The following CHD4 variants were observed in gnomAD, a reference collection of about 807,000 sequenced individuals.
CHD4 encodes chromodomain helicase DNA binding protein 4, also known as ATP-dependent chromatin remodeler CHD4.
CHD4 carries 35 observed loss-of-function variants against 235.5 expected under a neutral mutation model. The observed-to-expected ratio is 0.15, with a 90% CI of 0.11 to 0.20. The LOEUF is 0.20. Ranked by LOEUF, CHD4 falls within the 10% of genes least tolerant of loss-of-function variation. The pLI, the probability that CHD4 is intolerant of heterozygous loss-of-function variation, is 1.00. For missense variants in CHD4, 1,329 were observed against 2,432.3 expected (o/e 0.55, Z 9.54); for synonymous variants, 900 against 850.2 (o/e 1.06, Z -1.02).
At position 6,606,425 on chromosome 12, in the gene CHD4, T is replaced by A. The variant is rs1279517247; in HGVS notation, c.-52A>T. 1 of 1,276,378 alleles carries A rather than the reference T, an allele frequency of 7.8e-7. No individual in the cohort carries two copies. Among genetic ancestry groups the A allele is most frequent in the South Asian group, 1.3e-5 (1 of 78,828 alleles). The allele number at this position is 1,276,378 out of a possible 1,614,324, so 79.1% of individuals were successfully genotyped here. ...GGCCCAGCTGCTCCTGCCGGCGGCC[T>A]GAGGACCTCTACACTGGCCCGAGTC... is the stretch of plus-strand genomic sequence containing the variant. On this transcript the variant is annotated 5_prime_UTR_variant, in exon 2 of 40. Coordinates refer to ENST00000544040, the MANE Select transcript of CHD4 (RefSeq NM_001273.5).
intron 10 of CHD4, among the ~76,000 whole-genome samples, chr12:6,599,182 A>C (rs924557604): frequency 6.6e-6 from 1 of 152,256 alleles, no homozygotes; most frequent in African/African-American, 2.4e-5. Context: ...CTGTAATGCC[A>C]GCACTTAATG....
intron 6 of CHD4, 66 bp downstream of exon 6, chr12:6,601,223 C>T: frequency 6.3e-7 from 1 of 1,583,302 alleles, no homozygotes; most frequent in Non-Finnish European, 8.6e-7. Flanking sequence ...ACCAGCATTC[C>T]CATGCTGTCT....
Position 6,602,269 on chromosome 12 carries a change from T to C in CHD4, c.223-94A>G, listed in dbSNP as rs1326873318. On this transcript the variant is annotated intron_variant, in intron 3 of 39. Coordinates refer to ENST00000544040, the MANE Select transcript of CHD4 (RefSeq NM_001273.5). ...AGCCCTGAGGCTCATCCCCAGAACA[T>C]GGCCCACCACTTCTGAGAAAGAAAC... is the stretch of plus-strand genomic sequence containing the variant. The C allele has an allele frequency of 3.8e-6, 6 of 1,594,916 alleles. No homozygotes were observed. In the East Asian group the frequency reaches 6.7e-5, roughly 18 times the overall value.
rs1307100750 is a variant in CHD4, at chr12:6,570,899, T to C, written c.5691A>G (p.Ala1897=). 2.5e-6 allele frequency: 4 copies of C among 1,614,064 alleles called. No homozygotes were observed. Among genetic ancestry groups the C allele is most frequent in the Non-Finnish European group, 2.5e-6 (3 of 1,180,034 alleles). Residue 1897 remains alanine, a synonymous_variant, in exon 39 of 40, where the codon GCA becomes GCG. Transcript: ENST00000544040. The part of the protein sequence containing the change: ...MSERNILSRL[A]NRAPEPTPQQ... Reference sequence around the variant, plus strand: ...GTGGGGTAGGTTCGGGTGCCCGGTTTGCCAGGCGGCTGAGAATGTTACGCT... The same window carrying C: ...GTGGGGTAGGTTCGGGTGCCCGGTTCGCCAGGCGGCTGAGAATGTTACGCT...
At chr12:6,585,449 A>C in intron 25 of CHD4, among the ~76,000 whole-genome samples, 1 of 151,098 alleles carries the variant, frequency 6.6e-6, no homozygotes, top group Non-Finnish European at 1.5e-5. Flanking sequence ...ACGCCCAGCT[A>C]ATTTTTGTAT....
chr12:6,601,027 C>A lies in CHD4; in HGVS notation c.826G>T (p.Gly276Cys), dbSNP rs148588653. The A allele has an allele frequency of 8.9e-5, 142 of 1,589,968 alleles. No individual in the cohort carries two copies. In the African/African-American group the frequency reaches 1.5e-3, roughly 17 times the overall value. ...KGPNARRKPKGSPRVPDAKKP... is the reference protein window; with the variant it reads ...KGPNARRKPKCSPRVPDAKKP... Reference sequence around the variant, plus strand: ...TTGGCATCAGGTACACGAGGGCTGCCCTTGGGCTTCCTCCGAGCATTGGGA... The same window carrying A: ...TTGGCATCAGGTACACGAGGGCTGCACTTGGGCTTCCTCCGAGCATTGGGA... Residue 276 changes from glycine (G) to cysteine (C), a missense_variant, in exon 7 of 40, where the codon GGC (glycine) becomes TGC (cysteine). By Grantham distance (159) the Gly-to-Cys change is radical. Coordinates refer to ENST00000544040, the MANE Select transcript of CHD4 (RefSeq NM_001273.5).
Position 6,582,258 on chromosome 12 carries a change from C to A in CHD4, c.4394G>T (p.Arg1465Leu). The change falls in exon 30 of 40, where the codon CGG becomes CTG. Residue 1465 changes from arginine to leucine, a missense_variant. Transcript: ENST00000544040. ...EFKAYVSLFM[R>L]HLCEPGADGA... The stretch of plus-strand genomic sequence containing the variant: ...ATCTGCCCCCGGCTCACATAAATGC[C>A]GCATGAAAAGAGAGACATATGCCCT... The A allele has an allele frequency of 6.3e-7, 1 of 1,589,928 alleles. No homozygotes were observed. The highest frequency in any genetic ancestry group is 1.1e-5 in the South Asian group (1 of 88,980).
At chr12:6,596,683 C>T (rs949302739) in intron 12 of CHD4, among the ~76,000 whole-genome samples, 1 of 152,066 alleles carries the variant, frequency 6.6e-6, no homozygotes, top group African/African-American at 2.4e-5. Context: ...GCCTGTAATC[C>T]CAGCTACTCG....
chr12:6,577,979 C>G, intron 36 of CHD4, 50 bp downstream of exon 36: 1 of 1,611,706 alleles, frequency 6.2e-7, no homozygotes, highest in Non-Finnish European at 8.5e-7. Flanking sequence ...ACTAAAAGAC[C>G]TTCAGAACCT....
At chr12:6,578,599 C>A in intron 34 of CHD4, 53 bp from the exon 35 acceptor site, 1 of 1,604,756 alleles carries the variant, frequency 6.2e-7, no homozygotes, top group Admixed American at 1.7e-5. Context: ...CCAGCACCAT[C>A]GCCCTTACCC....
chr12:6,591,899 G>C lies in CHD4; in HGVS notation c.3090+17C>G, dbSNP rs759778622. 2.2e-5 allele frequency: 35 copies of C among 1,614,058 alleles called. No homozygotes were observed. In the South Asian group the frequency reaches 3.7e-4, roughly 17 times the overall value. ...GAAGACCCAACCCAGGGAGGAACAG[G>C]AGATGGCACTACATACCATTGCAGC... is the stretch of plus-strand genomic sequence containing the variant. On this transcript the variant is annotated intron_variant, in intron 20 of 39. Transcript: ENST00000544040.
rs143206689 is a variant in CHD4 at position 6,602,455 on chromosome 12, G to C, written c.143C>G (p.Thr48Ser). ...CTTTTTCTTCTTCTTGAGCTTTGGA[G>C]TCTCTGTTTCTGACAAATCCTCTTC... ...DPEEDLSETE[T>S]PKLKKKKKPK... is the part of the protein sequence containing the mutation. The change falls in exon 3 of 40, where the codon ACT becomes AGT. Residue 48 changes from threonine (T) to serine (S), a missense_variant. Transcript: ENST00000544040. 1.9e-4 allele frequency: 309 copies of C among 1,614,014 alleles called. No individual in the cohort carries two copies. The African/African-American group carries it at 3.4e-3, about 18-fold the overall frequency.
In CHD4 at chr12:6,600,462, A is replaced by T. The variant is rs570713882; in HGVS notation, c.1064-67T>A. On this transcript the variant is annotated intron_variant, in intron 8 of 39. Transcript: ENST00000544040. ...TACCTCCCCCCACCCCCCGACCCCTATCTCCTTAGGGAGATTCTTCCCCAA... is the reference window on the plus strand; with the variant it reads ...TACCTCCCCCCACCCCCCGACCCCTTTCTCCTTAGGGAGATTCTTCCCCAA... The T allele has an allele frequency of 3.2e-6, 5 of 1,560,042 alleles. No individual in the cohort carries two copies. The East Asian group carries it at 9.2e-5, about 29-fold the overall frequency.
chr12:6,583,010 A>C lies in CHD4; in HGVS notation c.4147+17T>G, dbSNP rs750260250. 1 of 1,587,574 alleles carries C rather than the reference A, an allele frequency of 6.3e-7. No homozygotes were observed. Among genetic ancestry groups the C allele is most frequent in the Non-Finnish European group, 8.6e-7 (1 of 1,168,102 alleles). On this transcript the variant is annotated intron_variant, in intron 27 of 39. Transcript: ENST00000544040. ...AAGCAACATTTAGAAAAGCAACAAA[A>C]AAAGCACAGCCCTCACCTTCTGAAC...
At position 6,606,354 on chromosome 12, in the gene CHD4, G is replaced by C; in HGVS notation, c.20C>G (p.Ser7Cys). ...ACTGCCCGCCGAGCAGGGGGACGGGGAGCCCAGGCCCGACGCCATCCCCTT... is the reference window on the plus strand; with the variant it reads ...ACTGCCCGCCGAGCAGGGGGACGGGCAGCCCAGGCCCGACGCCATCCCCTT... MASGLG[S>C]PSPCSAGSEE... The change falls in exon 2 of 40, where the codon TCC (serine) becomes TGC (cysteine). Residue 7 changes from serine to cysteine, a missense_variant. By Grantham distance (112) the Ser-to-Cys change is moderately radical (BLOSUM62 -1). Coordinates refer to ENST00000544040, the MANE Select transcript of CHD4 (RefSeq NM_001273.5). 1 of 1,571,792 alleles carries C rather than the reference G, an allele frequency of 6.4e-7. No homozygotes were observed. The highest frequency in any genetic ancestry group is 8.6e-7 in the Non-Finnish European group (1 of 1,162,240).
intron 25 of CHD4, chr12:6,583,899 AGT>A (rs1478235432): frequency 6.6e-6 from 1 of 152,350 alleles, no homozygotes; most frequent in Non-Finnish European, 1.5e-5. Context: ...CTCCTCTAAA[AGT>A]GAATTTTTTT....
At chr12:6,600,143 C>T (rs1370610783) in intron 9 of CHD4, 74 bp downstream of exon 9, 3 of 1,582,938 alleles carry the variant, frequency 1.9e-6, no homozygotes, top group Non-Finnish European at 2.6e-6. Flanking sequence ...CATTTCCATC[C>T]AGGCCCCGAA....
chr12:6,604,046 G>A (rs897105179), intron 2 of CHD4, among the ~76,000 whole-genome samples: 1 of 152,208 alleles, frequency 6.6e-6, no homozygotes, highest in Non-Finnish European at 1.5e-5. Flanking sequence ...GGGAGGCTGA[G>A]GCGGGCAGAT....
chr12:6,607,113 G>C (rs986028365), intron 1 of CHD4, 187 bp downstream of exon 1: 1 of 152,312 alleles, frequency 6.6e-6, no homozygotes, highest in Admixed American at 6.5e-5. Flanking sequence ...ACTCCGGCAG[G>C]GTTAGGGCGG....
Sources: allele counts gnomAD v4.1 joint callset (sites outside exome capture counted in the v4.1 genomes callset), GRCh38; gene constraint gnomAD v4.1.1; transcripts MANE v1.5; gene names NCBI Gene and HGNC (gene_info 2026-07-23, HGNC 2026-07-21).